The following WDR75 variants were observed in gnomAD, a reference collection of about 807,000 sequenced individuals.
The protein encoded by WDR75 is WD repeat-containing protein 75.
In WDR75, 52 loss-of-function variants were observed where a neutral mutation model predicts 106.1. The observed-to-expected ratio is 0.49, with a 90% CI of 0.39 to 0.62. WDR75 has a LOEUF of 0.62. Ranked by LOEUF, WDR75 falls within the 20% of genes least tolerant of loss-of-function variation. WDR75 has a pLI of 0.00. For synonymous variants in WDR75, 333 were observed against 335.5 expected, an observed-to-expected ratio of 0.99 and a Z score of 0.08; for missense variants, 905 against 970.3, an observed-to-expected ratio of 0.93 and a Z score of 0.89.
At chr2:189,448,545 G>A in intron 2 of WDR75, 37 bp downstream of exon 2, 1 of 1,594,470 alleles carries the variant, frequency 6.3e-7, no homozygotes, top group Non-Finnish European at 8.5e-7. Context: ...TTTAAGACTG[G>A]CTTTGTTCTT....
intron 11 of WDR75, among the ~76,000 whole-genome samples, chr2:189,464,436 T>A (rs550082750): frequency 2.0e-5 from 3 of 152,224 alleles, no homozygotes; most frequent in Admixed American, 1.3e-4. Flanking sequence ...TCTTTACAGA[T>A]CTCTGTCATA....
At chr2:189,455,598 A>G in intron 5 of WDR75, 154 bp downstream of exon 5, 2 of 971,792 alleles carry the variant, frequency 2.1e-6, no homozygotes, top group Non-Finnish European at 2.9e-6. Flanking sequence ...TTTAGCATGT[A>G]TTTATGGTAT....
At chr2:189,445,548 A>T (rs35290989) in intron 1 of WDR75, among the ~76,000 whole-genome samples, 1 of 152,182 alleles carries the variant, frequency 6.6e-6, no homozygotes, top group Non-Finnish European at 1.5e-5. Context: ...ACTGTCACTG[A>T]TTGGAAGGTT....
chr2:189,467,695 T>C, intron 14 of WDR75, 47 bp downstream of exon 14: 3 of 1,476,348 alleles, frequency 2.0e-6, no homozygotes, highest in Non-Finnish European at 2.7e-6. Context: ...TTAACTTATT[T>C]AAACAAGTCT....
intron 7 of WDR75, 96 bp from the exon 8 acceptor site, chr2:189,459,240 A>G: frequency 2.3e-6 from 2 of 853,748 alleles, no homozygotes; most frequent in Non-Finnish European, 3.6e-6. Context: ...ATGATTTAGT[A>G]TGTTTGGTAT....
At chr2:189,456,961 G>A (rs1686749780) in intron 5 of WDR75, among the ~76,000 whole-genome samples, 1 of 152,104 alleles carries the variant, frequency 6.6e-6, no homozygotes, top group Admixed American at 6.6e-5. Flanking sequence ...ACAGTGTTGG[G>A]CCGGGCGCAG....
Position 189,465,251 on chromosome 2 carries a change from A to G in WDR75, c.1286A>G (p.Gln429Arg), listed in dbSNP as rs776064512. 2.5e-6 allele frequency: 4 copies of G among 1,611,420 alleles called. No individual in the cohort carries two copies. In the South Asian group the frequency reaches 4.4e-5, roughly 18 times the overall value. ...CTGTGGATGTATAATAAGAAAACAC[A>G]AGGGTAATACTATCTGTGTAGCCAC... ...MKLWMYNKKTQGFILNTKINM... is the reference protein window; with the variant it reads ...MKLWMYNKKTRGFILNTKINM... The change falls in exon 12 of 21, where the codon CAA becomes CGA. Residue 429 changes from glutamine to arginine, a missense_variant. By Grantham distance (43) the Gln-to-Arg change is conservative (BLOSUM62 1). Coordinates refer to ENST00000314761, the MANE Select transcript of WDR75 (RefSeq NM_032168.3).
Position 189,463,689 on chromosome 2 carries a change from C to T in WDR75, c.938-5C>T. 6.2e-7 allele frequency: 1 copy of T among 1,613,266 alleles called. No homozygotes were observed. Among genetic ancestry groups the T allele is most frequent in the Non-Finnish European group, 8.5e-7 (1 of 1,179,546 alleles). On this transcript the variant is annotated splice_polypyrimidine_tract_variant and splice_region_variant and intron_variant, in intron 9 of 20. Transcript: ENST00000314761. The stretch of plus-strand genomic sequence containing the variant: ...ATTTAAATACCTATTTTTTTCTACC[C>T]ACAGAGATAATAATTATTCACCGAA...
At chr2:189,443,515 G>T (rs554796173) in intron 1 of WDR75, among the ~76,000 whole-genome samples, 1 of 152,300 alleles carries the variant, frequency 6.6e-6, no homozygotes, top group African/African-American at 2.4e-5. Flanking sequence ...GTTGTAATTT[G>T]ATTGTGTTTC....
rs773294373 is a variant in WDR75, at chr2:189,462,568, G to A, written c.863G>A (p.Arg288His). The change falls in exon 9 of 21, where the codon CGT (arginine) becomes CAT (histidine). Residue 288 changes from arginine to histidine, a missense_variant. Arg to His is a conservative substitution (Grantham distance 29, BLOSUM62 0). Transcript: ENST00000314761. ...ATEKNKEFLP[R>H]LGATIEHISV... ...GAGAAGAATAAGGAGTTTCTCCCGC[G>A]TTTAGGAGCTACTATTGAACATATC... The A allele has an allele frequency of 1.6e-5, 26 of 1,613,914 alleles. No homozygotes were observed. The highest frequency in any genetic ancestry group is 5.0e-5 in the Admixed American group (3 of 59,980).
chr2:189,443,595 G>T (rs1179212872), intron 1 of WDR75, among the ~76,000 whole-genome samples: 1 of 152,158 alleles, frequency 6.6e-6, no homozygotes, highest in Non-Finnish European at 1.5e-5. Context: ...ATGAGAGCTG[G>T]GTAGGCTGAT....
intron 1 of WDR75, among the ~76,000 whole-genome samples, chr2:189,444,447 G>A (rs763384125): frequency 4.6e-5 from 7 of 152,100 alleles, no homozygotes; most frequent in Non-Finnish European, 7.4e-5. Context: ...AGTTCTGTTT[G>A]CATCCCATTC....
At chr2:189,468,806 T>C (rs927543956) in intron 15 of WDR75, among the ~76,000 whole-genome samples, 1 of 152,174 alleles carries the variant, frequency 6.6e-6, no homozygotes, top group Non-Finnish European at 1.5e-5. Flanking sequence ...TTCTACTGTT[T>C]TCAGTGTGTG....
chr2:189,442,935 C>T (rs1686415887), intron 1 of WDR75, among the ~76,000 whole-genome samples: 1 of 152,148 alleles, frequency 6.6e-6, no homozygotes, highest in Non-Finnish European at 1.5e-5. Flanking sequence ...TGTGACGCTT[C>T]GGACTCATAT....
intron 8 of WDR75, among the ~76,000 whole-genome samples, chr2:189,461,778 A>G (rs984507065): frequency 3.9e-5 from 6 of 152,134 alleles, no homozygotes; most frequent in African/African-American, 1.4e-4. Context: ...TTAACGTTGA[A>G]TCAAAATGGT....
rs772415648 is a variant in WDR75, at chr2:189,459,438, T to C, written c.778+14T>C. 5.0e-6 allele frequency: 8 copies of C among 1,599,332 alleles called. No individual in the cohort carries two copies. The East Asian group carries it at 1.1e-4, about 22-fold the overall frequency. ...TTTCAGTGACAGGTAAGTGCGGGTT[T>C]AATTATTAAAATGAACTTTTGAAGA... On this transcript the variant is annotated intron_variant, in intron 8 of 20. Transcript: ENST00000314761.
At chr2:189,464,507 A>G (rs779089562) in intron 11 of WDR75, among the ~76,000 whole-genome samples, 6 of 152,138 alleles carry the variant, frequency 3.9e-5, no homozygotes, top group African/African-American at 7.2e-5. Context: ...AAAAGGAAGC[A>G]TATTAATCAT....
intron 2 of WDR75, chr2:189,449,197 T>G: frequency 3.2e-6 from 4 of 1,259,090 alleles, no homozygotes; most frequent in Non-Finnish European, 4.2e-6. Flanking sequence ...CTCAACAATA[T>G]TTTGTTCTTG....
intron 6 of WDR75, among the ~76,000 whole-genome samples, chr2:189,458,299 T>C (rs1686784125): frequency 6.6e-6 from 1 of 152,188 alleles, no homozygotes; most frequent in African/African-American, 2.4e-5. Flanking sequence ...AGCCAAAGAA[T>C]AGGAAATAGG....
Sources: allele counts gnomAD v4.1 joint callset (sites outside exome capture counted in the v4.1 genomes callset), GRCh38; gene constraint gnomAD v4.1.1; transcripts MANE v1.5; gene names NCBI Gene and HGNC (gene_info 2026-07-23, HGNC 2026-07-21).